PKN3: variants seen among roughly 807,000 people sequenced by gnomAD.
The protein encoded by PKN3 is protein kinase N3.
In PKN3, 91 loss-of-function variants were observed where a neutral mutation model predicts 113.1. That is an observed-to-expected ratio of 0.80 (90% CI 0.68 to 0.96). PKN3 has a LOEUF of 0.96. Among genes scored for constraint, PKN3 ranks in the 40% least tolerant of loss-of-function variants. The probability of loss-of-function intolerance (pLI) is 0.00; values close to 1 mark genes in which losing one functional copy is unlikely to be tolerated. For missense variants in PKN3, 1,052 were observed against 1,202.2 expected, an observed-to-expected ratio of 0.88 and a Z score of 1.85; for synonymous variants, 467 against 499.0, an observed-to-expected ratio of 0.94 and a Z score of 0.85.
intron 1 of PKN3, 138 bp from the exon 2 acceptor site, chr9:128,705,165 A>C: frequency 9.2e-7 from 1 of 1,085,394 alleles, no homozygotes; most frequent in Non-Finnish European, 1.3e-6. Flanking sequence ...CTAAGGGGAG[A>C]GAGGCTTCCA....
At chr9:128,710,396 C>T (rs1361289656) in intron 6 of PKN3, among the ~76,000 whole-genome samples, 4 of 151,948 alleles carry the variant, frequency 2.6e-5, no homozygotes, top group South Asian at 2.1e-4. Context: ...GCTACAGGGC[C>T]GACTGACCCC....
chr9:128,707,877 G>C (rs1212953582), intron 6 of PKN3, among the ~76,000 whole-genome samples: 1 of 151,662 alleles, frequency 6.6e-6, no homozygotes, highest in African/African-American at 2.4e-5. Flanking sequence ...TCCAAGACCA[G>C]CCTGGCCAAG....
At chr9:128,705,640 C>T in intron 2 of PKN3, 94 bp from the exon 3 acceptor site, 2 of 1,541,070 alleles carry the variant, frequency 1.3e-6, no homozygotes, top group South Asian at 1.2e-5. Flanking sequence ...CACCTCATTT[C>T]CTGCCTATAG....
chr9:128,712,538 T>G (rs1862210236), intron 6 of PKN3, among the ~76,000 whole-genome samples: 2 of 152,172 alleles, frequency 1.3e-5, no homozygotes, highest in Admixed American at 1.3e-4. Context: ...CCAGGCTTCC[T>G]GCTCCCTGTC....
chr9:128,707,369 C>G lies in PKN3; in HGVS notation c.799C>G (p.Pro267Ala). Residue 267 changes from proline to alanine, a missense_variant, in exon 6 of 22, where the codon CCT becomes GCT. By Grantham distance (27) the Pro-to-Ala change is conservative. Coordinates refer to ENST00000291906, the MANE Select transcript of PKN3 (RefSeq NM_013355.5). ...GGCTGCGGTGCCTGGATACCCCCAG[C>G]CTTCAGGGACACCTGTGAAGCCCAC... is the stretch of plus-strand genomic sequence containing the variant. The part of the protein sequence containing the change: ...LRAAVPGYPQ[P>A]SGTPVKPTAL... 1.2e-6 allele frequency: 2 copies of G among 1,612,726 alleles called. No homozygotes were observed. The highest frequency in any genetic ancestry group is 1.7e-6 in the Non-Finnish European group (2 of 1,179,406).
In PKN3 at chr9:128,720,448, AC is replaced by A. The variant is rs1463125214; in HGVS notation, c.2515del (p.Leu839CysfsTer21). 1 of 1,612,828 alleles carries A rather than the reference AC, an allele frequency of 6.2e-7. No individual in the cohort carries two copies. The highest frequency in any genetic ancestry group is 1.3e-5 in the African/African-American group (1 of 74,812). On this transcript the variant is annotated frameshift_variant, in exon 22 of 22. Transcript: ENST00000291906. LOFTEE classifies it high-confidence loss of function. This position sits in a 1 kb window ranked among gnomAD's most constrained non-coding sequence, Gnocchi z 5.5. ...ARTIQPPFVP[T>X]LCGPADLRYF... is the part of the protein sequence containing the mutation. ...CACCATCCAGCCCCCCTTCGTGCCT[AC>A]CCTGTGTGGCCCTGCGGACCTGCGC...
At chr9:128,719,614 T>A in intron 18 of PKN3, 72 bp from the exon 19 acceptor site, 1 of 1,453,538 alleles carries the variant, frequency 6.9e-7, no homozygotes, top group Non-Finnish European at 9.3e-7. Flanking sequence ...CCTGGCATCA[T>A]AAGGCTTGGC....
Position 128,714,818 on chromosome 9 carries a change from G to C in PKN3, c.1605G>C (p.Met535Ile), listed in dbSNP as rs764714294. 2 of 1,613,912 alleles carry C rather than the reference G, an allele frequency of 1.2e-6. No individual in the cohort carries two copies. Among genetic ancestry groups the C allele is most frequent in the Admixed American group, 3.3e-5 (2 of 59,990 alleles). ...CACAGCGCACCAAACGTCCCCATAT[G>C]GAGCCTAGGACTCGACGTGGGCCAT... is the stretch of plus-strand genomic sequence containing the variant. The part of the protein sequence containing the change: ...EETPRTKRPH[M>I]EPRTRRGPSP... The change falls in exon 13 of 22, where the codon ATG (methionine) becomes ATC (isoleucine). Residue 535 changes from methionine (M) to isoleucine (I), a missense_variant. Transcript: ENST00000291906.
At position 128,712,998 on chromosome 9, in the gene PKN3, G is replaced by A. The variant is rs951970089; in HGVS notation, c.836-54G>A. 7.8e-6 allele frequency: 12 copies of A among 1,539,394 alleles called. No homozygotes were observed. The African/African-American group carries it at 1.6e-4, about 21-fold the overall frequency. On this transcript the variant is annotated intron_variant, in intron 6 of 21. Coordinates refer to ENST00000291906, the MANE Select transcript of PKN3 (RefSeq NM_013355.5). ...TCCTGGGGTCCCAGGACACCTTGGT[G>A]GTAGCAGTGGGAAGATGGCATCTGA...
At chr9:128,703,500 G>C (rs1227463397) in intron 1 of PKN3, 1 of 985,310 alleles carries the variant, frequency 1.0e-6, no homozygotes, top group East Asian at 1.1e-4. Context: ...TGCGGAGGGG[G>C]CTGGGTTTCC....
rs1862310682 is a variant in PKN3 at position 128,715,415 on chromosome 9, A to G, written c.1763A>G (p.Lys588Arg). ...GGGACAGGGAAATACTACGCCATCAAAGCACTGAAGAAGCAGGAGGTGCTC... is the reference window on the plus strand; with the variant it reads ...GGGACAGGGAAATACTACGCCATCAGAGCACTGAAGAAGCAGGAGGTGCTC... ...FKGTGKYYAI[K>R]ALKKQEVLSR... The change falls in exon 15 of 22, where the codon AAA (lysine) becomes AGA (arginine). Residue 588 changes from lysine (K) to arginine (R), a missense_variant. By Grantham distance (26) the Lys-to-Arg change is conservative. This residue lies in a region of PKN3 where 333 missense variants were observed against 442.8 expected (regional missense o/e 0.75). Coordinates refer to ENST00000291906, the MANE Select transcript of PKN3 (RefSeq NM_013355.5). The surrounding 1 kb of genome is among the most constrained non-coding windows in gnomAD (Gnocchi z 4.1). The G allele has an allele frequency of 1.9e-6, 3 of 1,613,888 alleles. No homozygotes were observed. Among genetic ancestry groups the G allele is most frequent in the Non-Finnish European group, 1.7e-6 (2 of 1,180,008 alleles).
In PKN3 at chr9:128,713,331, T is replaced by TG. The variant is rs779141897; in HGVS notation, c.1041dup (p.Gln348AlafsTer20). 6.2e-7 allele frequency: 1 copy of TG among 1,614,100 alleles called. No homozygotes were observed. The highest frequency in any genetic ancestry group is 1.1e-5 in the South Asian group (1 of 91,066). On this transcript the variant is annotated frameshift_variant, in exon 8 of 22. Coordinates refer to ENST00000291906, the MANE Select transcript of PKN3 (RefSeq NM_013355.5). LOFTEE classifies it high-confidence loss of function. ...CAACCGTGTTGTGGGGCAGACGGGC[T>TG]GGGGGCAGGTGGCCGAACAGTCCTG...
At chr9:128,707,911 C>T (rs974412928) in intron 6 of PKN3, among the ~76,000 whole-genome samples, 1 of 143,344 alleles carries the variant, frequency 7.0e-6, no homozygotes, top group African/African-American at 2.6e-5. Flanking sequence ...GTCTCTACTA[C>T]AAATACAAAA....
At chr9:128,703,058 T>A in intron 1 of PKN3, 119 bp downstream of exon 1, 1 of 691,116 alleles carries the variant, frequency 1.4e-6, no homozygotes, top group Non-Finnish European at 2.2e-6. Flanking sequence ...GCCCCTTCCC[T>A]GCCCCTGCCC....
At chr9:128,718,137 A>AACCTTGGGGCG (rs1862400089) in intron 16 of PKN3, among the ~76,000 whole-genome samples, 188 bp from the exon 17 acceptor site, 1 of 151,976 alleles carries the variant, frequency 6.6e-6, no homozygotes, top group African/African-American at 2.4e-5. Context: ...AAATGCACGC[A>AACCTTGGGGCG]ACCTTGGGGC....
intron 11 of PKN3, 37 bp from the exon 12 acceptor site, chr9:128,714,525 G>C: frequency 1.0e-6 from 1 of 955,434 alleles, no homozygotes; most frequent in South Asian, 1.3e-5. Context: ...TCTTGCGTCT[G>C]CCTGTGCTGG....
At chr9:128,703,071 GC>G in intron 1 of PKN3, 132 bp downstream of exon 1, 1 of 642,286 alleles carries the variant, frequency 1.6e-6, no homozygotes, top group Non-Finnish European at 2.4e-6. Flanking sequence ...CCCTGCCCTG[GC>G]CCCGGCCCCG....
chr9:128,718,011 G>T (rs895491622), intron 16 of PKN3, among the ~76,000 whole-genome samples: 2 of 151,824 alleles, frequency 1.3e-5, no homozygotes, highest in Admixed American at 6.6e-5. Flanking sequence ...CTGCAGCCTG[G>T]GTGACAGAGT....
Position 128,702,603 on chromosome 9 carries a change from G to A in PKN3, c.-313G>A, listed in dbSNP as rs1274795219. 2.8e-6 allele frequency: 1 copy of A among 353,978 alleles called. No homozygotes were observed. Among genetic ancestry groups the A allele is most frequent in the Non-Finnish European group, 5.1e-6 (1 of 197,874 alleles). The allele number at this position is 353,978 out of a possible 1,614,324, so 21.9% of individuals were successfully genotyped here. ...CCTCCTGAGCGTCCAAACCGGGGGT[G>A]AGGCGCGGTCACGCCCAGCGGGAAC... is the stretch of plus-strand genomic sequence containing the variant. On this transcript the variant is annotated 5_prime_UTR_variant, in exon 1 of 22. Transcript: ENST00000291906.
Sources: allele counts gnomAD v4.1 joint callset (sites outside exome capture counted in the v4.1 genomes callset), GRCh38; gene constraint gnomAD v4.1.1; regional missense constraint gnomAD v4.1.1; non-coding constraint Gnocchi (gnomAD v3.1); transcripts MANE v1.5; gene names NCBI Gene and HGNC (gene_info 2026-07-23, HGNC 2026-07-21).